The following CELSR1 variants were observed in gnomAD, a reference collection of about 807,000 sequenced individuals.
CELSR1 encodes cadherin EGF LAG seven-pass G-type receptor 1.
CELSR1 carries 110 observed loss-of-function variants against 249.1 expected under a neutral mutation model. The ratio of observed to expected loss-of-function variants is 0.44; its 90% confidence interval spans 0.38 to 0.52. The LOEUF (loss-of-function observed/expected upper bound fraction) is 0.52. Ranked by LOEUF, CELSR1 falls within the 20% of genes least tolerant of loss-of-function variation. CELSR1 has a pLI of 0.00. For synonymous variants in CELSR1, 2,113 were observed against 1,900.0 expected, an observed-to-expected ratio of 1.11 and a Z score of -2.92; for missense variants, 4,109 against 4,296.4, an observed-to-expected ratio of 0.96 and a Z score of 1.22.
chr22:46,396,670 G>A lies in CELSR1; in HGVS notation c.5778C>T (p.Pro1926=), dbSNP rs1020040188. ...CGCACACGTAGCCCTGCGGGGAGCC[G>A]GGGGAGCGCACGCAGGCCCCCATGT... ...CENMGACVRS[P]GSPQGYVCEC... The change falls in exon 13 of 35, where the codon CCC becomes CCT. Residue 1926 remains proline, a synonymous_variant. Coordinates refer to ENST00000674500, the MANE Select transcript of CELSR1 (RefSeq NM_001378328.1). The surrounding 1 kb of genome is among the most constrained non-coding windows in gnomAD (Gnocchi z 6.4). 9.9e-6 allele frequency: 16 copies of A among 1,611,660 alleles called. No homozygotes were observed. The highest frequency in any genetic ancestry group is 3.3e-4 in the Middle Eastern group (2 of 6,072).
chr22:46,376,758 G>A (rs1344445359), intron 24 of CELSR1, among the ~76,000 whole-genome samples: 1 of 149,664 alleles, frequency 6.7e-6, no homozygotes, highest in East Asian at 2.0e-4. Context: ...AGTGAGCTGA[G>A]ATTGTGCCAT....
chr22:46,481,581 G>C (rs901183362), intron 1 of CELSR1: 1 of 859,534 alleles, frequency 1.2e-6, no homozygotes, highest in East Asian at 2.5e-5. Context: ...GGTGGCACTC[G>C]ATGCACTGGT....
At chr22:46,438,532 T>C (rs1569162706) in intron 3 of CELSR1, among the ~76,000 whole-genome samples, 3 of 152,182 alleles carry the variant, frequency 2.0e-5, no homozygotes. Flanking sequence ...TCTGATGGTT[T>C]AGCCACCGTC....
At chr22:46,476,620 G>A (rs1341058131) in intron 1 of CELSR1, among the ~76,000 whole-genome samples, 5 of 149,278 alleles carry the variant, frequency 3.3e-5, no homozygotes, top group Admixed American at 6.7e-5. Context: ...AAAAGAGGAA[G>A]TACTGACCAG....
rs2078892316 is a variant in CELSR1 at position 46,374,167 on chromosome 22, G to A, written c.7585-1110C>T. On this transcript the variant is annotated intron_variant, in intron 24 of 34. Coordinates refer to ENST00000674500, the MANE Select transcript of CELSR1 (RefSeq NM_001378328.1). This position sits in a 1 kb window ranked among gnomAD's most constrained non-coding sequence, Gnocchi z 4.3. ...CTCGGTCAGGAAAGGAGGCGCGAGC[G>A]TGTGGCTGGAGAACTCTACACCAAA... Among the ~76,000 whole-genome samples, 2 of 152,210 alleles carry A rather than the reference G, an allele frequency of 1.3e-5. No homozygotes were observed. Among genetic ancestry groups the A allele is most frequent in the Admixed American group, 6.5e-5 (1 of 15,288 alleles).
rs200893768 is a variant in CELSR1 at position 46,366,981 on chromosome 22, G to A, written c.8205+12C>T. The A allele has an allele frequency of 2.3e-5, 36 of 1,599,334 alleles. No homozygotes were observed. The highest frequency in any genetic ancestry group is 4.0e-5 in the African/African-American group (3 of 74,586). On this transcript the variant is annotated intron_variant, in intron 29 of 34. Transcript: ENST00000674500. ...CAGCCCCCAGTCCCGCGGTGTCCCC[G>A]GCGCCTCCTACCGTCAGCAGGGTGG...
At chr22:46,439,459 G>C (rs564088382) in intron 2 of CELSR1, 48 bp from the exon 3 acceptor site, 10 of 1,524,330 alleles carry the variant, frequency 6.6e-6, no homozygotes, top group Middle Eastern at 2.3e-4. Context: ...CGACCAGCCA[G>C]GGAAAAGCCA....
chr22:46,477,114 T>C (rs6520023), intron 1 of CELSR1, among the ~76,000 whole-genome samples: 100,099 of 152,054 alleles, frequency 0.66, 33,636 homozygotes, highest in East Asian at 0.85. Flanking sequence ...GACGTGGAAC[T>C]ACTTCTCCTT....
At chr22:46,487,998 G>A in intron 1 of CELSR1, among the ~76,000 whole-genome samples, 1 of 141,274 alleles carries the variant, frequency 7.1e-6, no homozygotes, top group Non-Finnish European at 1.6e-5. Flanking sequence ...GTAGGGGAGG[G>A]GTGTCCAGCT....
chr22:46,494,982 GA>G (rs1294953914), intron 1 of CELSR1, among the ~76,000 whole-genome samples: 1 of 152,228 alleles, frequency 6.6e-6, no homozygotes, highest in Admixed American at 6.5e-5. Flanking sequence ...AAAGACTGGG[GA>G]AAACATTCTG....
At position 46,527,227 on chromosome 22, in the gene CELSR1, A is replaced by C. The variant is rs1164734863; in HGVS notation, c.3544+6400T>G. Among the ~76,000 whole-genome samples the C allele has an allele frequency of 6.6e-6, 1 of 152,096 alleles. No homozygotes were observed. The highest frequency in any genetic ancestry group is 1.5e-5 in the Non-Finnish European group (1 of 68,024). ...CGGCACATGGAGCACATCGGCTGAG[A>C]TGTGTCTGACCATCTAAGCTGGCAA... On this transcript the variant is annotated intron_variant, in intron 1 of 34. Transcript: ENST00000674500. This position sits in a 1 kb window ranked among gnomAD's most constrained non-coding sequence, Gnocchi z 5.5.
In CELSR1 at chr22:46,468,854, C is replaced by T. The variant is rs985688742; in HGVS notation, c.3545-4509G>A. On this transcript the variant is annotated intron_variant, in intron 1 of 34. Coordinates refer to ENST00000674500, the MANE Select transcript of CELSR1 (RefSeq NM_001378328.1). This position sits in a 1 kb window ranked among gnomAD's most constrained non-coding sequence, Gnocchi z 4.5. Reference sequence around the variant, plus strand: ...ACTTTGGGAGGCCGAGGCGGCAGATCACCTGAGGTCAGGAGTTCGAGACCA... The same window carrying T: ...ACTTTGGGAGGCCGAGGCGGCAGATTACCTGAGGTCAGGAGTTCGAGACCA... Among the ~76,000 whole-genome samples the T allele has an allele frequency of 6.6e-6, 1 of 152,158 alleles. No individual in the cohort carries two copies. The highest frequency in any genetic ancestry group is 2.4e-5 in the African/African-American group (1 of 41,452).
At position 46,517,376 on chromosome 22, in the gene CELSR1, G is replaced by A. The variant is rs115956874; in HGVS notation, c.3544+16251C>T. 4.5e-3 allele frequency among the ~76,000 whole-genome samples: 679 copies of A among 152,330 alleles called. 4 individuals carry two copies. The highest frequency in any genetic ancestry group is 0.014 in the African/African-American group (591 of 41,578). ...ACGGCCGTCCAACACCAAAGCCACC[G>A]GTTTCCTGCCTACGGGGTCATCCCG... On this transcript the variant is annotated intron_variant, in intron 1 of 34. Transcript: ENST00000674500. The surrounding 1 kb of genome is among the most constrained non-coding windows in gnomAD (Gnocchi z 5.4).
intron 1 of CELSR1, among the ~76,000 whole-genome samples, chr22:46,505,353 A>G (rs2080505481): frequency 6.6e-6 from 1 of 150,418 alleles, no homozygotes; most frequent in African/African-American, 2.4e-5. Flanking sequence ...CAACTTGCAA[A>G]CCGGGCGCGG....
chr22:46,471,397 T>C lies in CELSR1; in HGVS notation c.3545-7052A>G, dbSNP rs73452234. On this transcript the variant is annotated intron_variant, in intron 1 of 34. Coordinates refer to ENST00000674500, the MANE Select transcript of CELSR1 (RefSeq NM_001378328.1). The surrounding 1 kb of genome is among the most constrained non-coding windows in gnomAD (Gnocchi z 4.9). The stretch of plus-strand genomic sequence containing the variant: ...TTAGCATGGTAGGTTTGGGGGTCTT[T>C]TGCTTGTTTTGAGACAGAGTCTCAT... 0.018 allele frequency among the ~76,000 whole-genome samples: 2,677 copies of C among 152,036 alleles called. 90 individuals carry two copies. Among genetic ancestry groups the C allele is most frequent in the African/African-American group, 0.062 (2,559 of 41,424 alleles).
At position 46,374,566 on chromosome 22, in the gene CELSR1, G is replaced by C. The variant is rs1418413849; in HGVS notation, c.7585-1509C>G. 6.6e-6 allele frequency among the ~76,000 whole-genome samples: 1 copy of C among 152,134 alleles called. No homozygotes were observed. Among genetic ancestry groups the C allele is most frequent in the Non-Finnish European group, 1.5e-5 (1 of 68,012 alleles). ...GCCGGGTCGCCCTTTCCTTCTCCATGCTCAGCCGTGCGTGGCTGCCGGGAC... is the reference window on the plus strand; with the variant it reads ...GCCGGGTCGCCCTTTCCTTCTCCATCCTCAGCCGTGCGTGGCTGCCGGGAC... On this transcript the variant is annotated intron_variant, in intron 24 of 34. Transcript: ENST00000674500. This position sits in a 1 kb window ranked among gnomAD's most constrained non-coding sequence, Gnocchi z 4.3.
Position 46,412,218 on chromosome 22 carries a change from G to A in CELSR1, c.4612-459C>T, listed in dbSNP as rs574217893. 3.5e-4 allele frequency among the ~76,000 whole-genome samples: 53 copies of A among 152,286 alleles called. 3 individuals are homozygous for A. The South Asian group carries it at 9.3e-3, about 27-fold the overall frequency. On this transcript the variant is annotated intron_variant, in intron 5 of 34. Transcript: ENST00000674500. This position sits in a 1 kb window ranked among gnomAD's most constrained non-coding sequence, Gnocchi z 4.5. ...GGAAGGGTCCTCCCCTTCAGCCTTC[G>A]GAGGAGGCACGGCCCTACCCGCGCC...
chr22:46,528,991 C>A (rs781159276), intron 1 of CELSR1, among the ~76,000 whole-genome samples: 13 of 150,904 alleles, frequency 8.6e-5, no homozygotes, highest in Non-Finnish European at 1.9e-4. Flanking sequence ...CTGGGCCGGG[C>A]ACAGTGGCTC....
chr22:46,535,440 A>G lies in CELSR1; in HGVS notation c.1731T>C (p.Asn577=). The change falls in exon 1 of 35, where the codon AAT becomes AAC. Residue 577 remains asparagine, a synonymous_variant. Coordinates refer to ENST00000674500, the MANE Select transcript of CELSR1 (RefSeq NM_001378328.1). ...GCACCACGGGGTAGCCCAGGGGCACATTCTCCAGCACCGTGGCCTGGAAGG... is the reference window on the plus strand; with the variant it reads ...GCACCACGGGGTAGCCCAGGGGCACGTTCTCCAGCACCGTGGCCTGGAAGG... ...SSPFQATVLE[N]VPLGYPVVHI... The G allele has an allele frequency of 6.2e-7, 1 of 1,608,386 alleles. No individual in the cohort carries two copies. The highest frequency in any genetic ancestry group is 8.5e-7 in the Non-Finnish European group (1 of 1,177,358).
Sources: gnomAD v4.1 joint callset for allele counts (sites outside exome capture counted in the v4.1 genomes callset) on GRCh38, gnomAD v4.1.1 for gene constraint, Gnocchi (gnomAD v3.1) non-coding constraint, MANE v1.5 for transcripts, NCBI Gene and HGNC (gene_info 2026-07-23, HGNC 2026-07-21) for gene names.